FAF2: variants seen among roughly 807,000 people sequenced by gnomAD.
The protein encoded by FAF2 is FAS-associated factor 2.
In FAF2, 9 loss-of-function variants were observed where a neutral mutation model predicts 62.3. That is an observed-to-expected ratio of 0.14 (90% CI 0.09 to 0.25). The LOEUF (loss-of-function observed/expected upper bound fraction) is 0.25. Among genes scored for constraint, FAF2 ranks in the 10% least tolerant of loss-of-function variants. The pLI, the probability that FAF2 is intolerant of heterozygous loss-of-function variation, is 1.00. For missense variants in FAF2, 368 were observed against 556.2 expected (o/e 0.66, Z 3.40); for synonymous variants, 202 against 198.0 (o/e 1.02, Z -0.17).
intron 10 of FAF2, among the ~76,000 whole-genome samples, chr5:176,504,085 C>T (rs762673996): frequency 6.6e-6 from 1 of 151,592 alleles, no homozygotes; most frequent in African/African-American, 2.4e-5. Context: ...CCAGCCTGGG[C>T]GACAGAGTGA....
At chr5:176,496,746 C>T in intron 8 of FAF2, 83 bp downstream of exon 8, 1 of 1,083,766 alleles carries the variant, frequency 9.2e-7, no homozygotes, top group Non-Finnish European at 1.3e-6. Context: ...CCAATCCTGA[C>T]TTCTTCTGTG....
At chr5:176,467,169 CCAGA>C (rs1268151044) in intron 1 of FAF2, among the ~76,000 whole-genome samples, 5 of 139,594 alleles carry the variant, frequency 3.6e-5, no homozygotes, top group African/African-American at 1.3e-4. Flanking sequence ...CTTGTCTGTC[CCAGA>C]CCAGTGGGGG....
chr5:176,466,618 C>G (rs1359774913), intron 1 of FAF2, among the ~76,000 whole-genome samples: 2 of 152,180 alleles, frequency 1.3e-5, no homozygotes, highest in African/African-American at 2.4e-5. Context: ...TTTGTGATAC[C>G]TTCTTTGAGT....
At chr5:176,463,974 C>G (rs1758423640) in intron 1 of FAF2, among the ~76,000 whole-genome samples, 2 of 152,248 alleles carry the variant, frequency 1.3e-5, no homozygotes, top group African/African-American at 4.8e-5. Flanking sequence ...AAGTGATCTG[C>G]CTGCCTCAGC....
intron 1 of FAF2, among the ~76,000 whole-genome samples, chr5:176,467,129 CTTTTT>C (rs374702773): frequency 4.3e-5 from 4 of 94,046 alleles, no homozygotes; most frequent in South Asian, 4.1e-4. Flanking sequence ...TTTTTTTTTC[CTTTTT>C]TTTTTTTTTT....
chr5:176,471,375 C>CTTTTTTTTTTTTTTTTTTTATTTT (rs1758565401), intron 1 of FAF2, among the ~76,000 whole-genome samples: 1 of 97,624 alleles, frequency 1.0e-5, no homozygotes, highest in Non-Finnish European at 2.0e-5. Context: ...TCTGTACATT[C>CTTTTTTTTTTTTTTTTTTTATTTT]TTTTTTTTTT....
At chr5:176,472,408 G>C (rs1353282511) in intron 1 of FAF2, among the ~76,000 whole-genome samples, 1 of 151,832 alleles carries the variant, frequency 6.6e-6, no homozygotes, top group Non-Finnish European at 1.5e-5. Context: ...GCCTCCCAAA[G>C]TGCTGGGATT....
chr5:176,495,742 C>T (rs1484664464), intron 7 of FAF2, among the ~76,000 whole-genome samples: 2 of 151,942 alleles, frequency 1.3e-5, no homozygotes, highest in African/African-American at 2.4e-5. Flanking sequence ...AAACCCCTGA[C>T]CTCAAGTGAT....
In FAF2 at chr5:176,494,332, G is replaced by A; in HGVS notation, c.661+57G>A. On this transcript the variant is annotated intron_variant, in intron 7 of 10. Coordinates refer to ENST00000261942, the MANE Select transcript of FAF2 (RefSeq NM_014613.3). This position sits in a 1 kb window ranked among gnomAD's most constrained non-coding sequence, Gnocchi z 4.0. ...TGTTGGAGTATCTTTGGAATAGTCT[G>A]GAAAGACATGCCATGCCATTTATTA... 1 of 1,375,390 alleles carries A rather than the reference G, an allele frequency of 7.3e-7. No homozygotes were observed. Among genetic ancestry groups the A allele is most frequent in the Non-Finnish European group, 1.0e-6 (1 of 963,890 alleles). 85.2% of individuals were successfully genotyped at this position (1,375,390 alleles called of 1,614,324 possible).
chr5:176,495,604 C>T (rs996177601), intron 7 of FAF2, among the ~76,000 whole-genome samples: 9 of 151,120 alleles, frequency 6.0e-5, no homozygotes, highest in South Asian at 2.1e-4. Context: ...CTCCACCTCC[C>T]GGGTTCAAGC....
rs986412032 is a variant in FAF2 at position 176,494,427 on chromosome 5, G to A, written c.661+152G>A. On this transcript the variant is annotated intron_variant, in intron 7 of 10. Coordinates refer to ENST00000261942, the MANE Select transcript of FAF2 (RefSeq NM_014613.3). The surrounding 1 kb of genome is among the most constrained non-coding windows in gnomAD (Gnocchi z 4.0). ...TATATTGTCTCATTTAATCCTCTCAGCAGTCCTGAGAGATGGGGGGTCATA... is the reference window on the plus strand; with the variant it reads ...TATATTGTCTCATTTAATCCTCTCAACAGTCCTGAGAGATGGGGGGTCATA... 7.4e-6 allele frequency: 5 copies of A among 679,712 alleles called. No homozygotes were observed. The highest frequency in any genetic ancestry group is 4.6e-5 in the Admixed American group (2 of 43,690). The allele number at this position is 679,712 out of a possible 1,614,324, so 42.1% of individuals were successfully genotyped here. A position where few individuals can be genotyped will look rare whatever the true frequency, so the allele number is the denominator to read the frequency against.
intron 1 of FAF2, among the ~76,000 whole-genome samples, chr5:176,476,880 G>C (rs1260134975): frequency 7.0e-6 from 1 of 143,262 alleles, no homozygotes; most frequent in Non-Finnish European, 1.5e-5. Context: ...CGCTATCTCA[G>C]CTCACTGCAA....
chr5:176,462,542 C>T (rs866215563), intron 1 of FAF2, among the ~76,000 whole-genome samples: 1 of 150,656 alleles, frequency 6.6e-6, no homozygotes, highest in Non-Finnish European at 1.5e-5. Flanking sequence ...GAGAATCACT[C>T]GAACCCGGGA....
At chr5:176,464,981 A>G (rs999390825) in intron 1 of FAF2, among the ~76,000 whole-genome samples, 2 of 152,058 alleles carry the variant, frequency 1.3e-5, no homozygotes, top group African/African-American at 2.4e-5. Flanking sequence ...TCCGCCTTCC[A>G]GGCTCAAGTG....
intron 1 of FAF2, among the ~76,000 whole-genome samples, chr5:176,451,386 T>G (rs1758166441): frequency 6.6e-6 from 1 of 151,896 alleles, no homozygotes; most frequent in Non-Finnish European, 1.5e-5. Flanking sequence ...AAAAATTTTT[T>G]TTTAAGTAGA....
At chr5:176,493,879 TTTTTTCCTTA>T in intron 5 of FAF2, 110 bp from the exon 6 acceptor site, 1 of 674,224 alleles carries the variant, frequency 1.5e-6, no homozygotes, top group South Asian at 2.0e-5. Flanking sequence ...CTTGCTCACC[TTTTTTCCTTA>T]TTTTTCCTTT....
chr5:176,453,943 C>G (rs1758230207), intron 1 of FAF2, among the ~76,000 whole-genome samples: 1 of 151,240 alleles, frequency 6.6e-6, no homozygotes, highest in Admixed American at 6.6e-5. Context: ...ATAATCCCAG[C>G]TACTCGGAAG....
chr5:176,479,986 C>T (rs902622938), intron 2 of FAF2, among the ~76,000 whole-genome samples: 4 of 152,194 alleles, frequency 2.6e-5, no homozygotes, highest in Admixed American at 2.6e-4. Flanking sequence ...TGAGCCACCG[C>T]GCCCGGCCAT....
At chr5:176,458,831 A>C (rs1758325320) in intron 1 of FAF2, among the ~76,000 whole-genome samples, 1 of 152,052 alleles carries the variant, frequency 6.6e-6, no homozygotes. Flanking sequence ...TTTCTATTCC[A>C]GTGATACTTT....
Sources: allele counts gnomAD v4.1 joint callset (sites outside exome capture counted in the v4.1 genomes callset), GRCh38; gene constraint gnomAD v4.1.1; non-coding constraint Gnocchi (gnomAD v3.1); transcripts MANE v1.5; gene names NCBI Gene and HGNC (gene_info 2026-07-23, HGNC 2026-07-21).